Variants in ALK observed in about 807,000 individuals in gnomAD.
ALK encodes ALK receptor tyrosine kinase.
Under a neutral mutation model 163.1 loss-of-function variants are expected in ALK, and 74 were observed. The observed-to-expected ratio is 0.45, with a 90% CI of 0.38 to 0.55. ALK has a LOEUF of 0.55. Among genes scored for constraint, ALK ranks in the 20% least tolerant of loss-of-function variants. The pLI is 0.00. For missense variants in ALK, 2,063 were observed against 2,105.3 expected, an observed-to-expected ratio of 0.98 and a Z score of 0.39; for synonymous variants, 960 against 843.2, an observed-to-expected ratio of 1.14 and a Z score of -2.40.
intron 1 of ALK, among the ~76,000 whole-genome samples, chr2:29,737,447 G>C (rs984962585): frequency 6.6e-6 from 1 of 152,012 alleles, no homozygotes; most frequent in Admixed American, 6.6e-5. Flanking sequence ...AATGGGTCTG[G>C]ATGTATGATT....
intron 3 of ALK, among the ~76,000 whole-genome samples, chr2:29,535,792 T>A (rs113449468): frequency 1.3e-5 from 2 of 152,180 alleles, no homozygotes; most frequent in African/African-American, 4.8e-5. Flanking sequence ...TCTATCTGCC[T>A]GCCTAGAATA....
intron 5 of ALK, among the ~76,000 whole-genome samples, chr2:29,371,888 C>T (rs575253243): frequency 4.6e-5 from 7 of 152,276 alleles, no homozygotes; most frequent in Admixed American, 4.6e-4. Flanking sequence ...TGATGCCTTA[C>T]TATTGTCCCC....
chr2:29,845,808 G>T (rs145498726), intron 1 of ALK, among the ~76,000 whole-genome samples: 1 of 152,162 alleles, frequency 6.6e-6, no homozygotes, highest in African/African-American at 2.4e-5. Context: ...AGAAACCTTT[G>T]GTTGAGGAGC....
At chr2:29,386,100 G>T (rs761155092) in intron 4 of ALK, among the ~76,000 whole-genome samples, 1 of 152,196 alleles carries the variant, frequency 6.6e-6, no homozygotes, top group Non-Finnish European at 1.5e-5. Flanking sequence ...CTTTCAGCGC[G>T]GTGCTCCTGG....
chr2:29,571,638 A>C (rs1674376098), intron 3 of ALK, among the ~76,000 whole-genome samples: 1 of 32,432 alleles, frequency 3.1e-5, no homozygotes, highest in Admixed American at 3.4e-4. Context: ...TTTTTTTGAG[A>C]TGTTGTCTCA....
chr2:29,795,295 A>G (rs1664279823), intron 1 of ALK, among the ~76,000 whole-genome samples: 1 of 152,172 alleles, frequency 6.6e-6, no homozygotes, highest in Admixed American at 6.6e-5. Context: ...ATCTAATTAA[A>G]AAATATTTTT....
At chr2:29,677,775 G>C (rs958435735) in intron 3 of ALK, among the ~76,000 whole-genome samples, 6 of 152,026 alleles carry the variant, frequency 3.9e-5, no homozygotes, top group Non-Finnish European at 7.4e-5. Flanking sequence ...CTAGATTTAG[G>C]ATCAGGGGAA....
At chr2:29,322,074 G>T (rs532252833) in intron 6 of ALK, among the ~76,000 whole-genome samples, 1 of 152,306 alleles carries the variant, frequency 6.6e-6, no homozygotes, top group African/African-American at 2.4e-5. Context: ...GATTCTGATG[G>T]CCCCCAACAC....
At chr2:29,819,165 C>G (rs2148377271) in intron 1 of ALK, among the ~76,000 whole-genome samples, 3 of 152,296 alleles carry the variant, frequency 2.0e-5, no homozygotes, top group Middle Eastern at 6.8e-3. Flanking sequence ...CTATTGAATC[C>G]AAATTTGCAT....
intron 1 of ALK, among the ~76,000 whole-genome samples, chr2:29,864,724 T>C (rs1666382323): frequency 6.6e-6 from 1 of 152,198 alleles, no homozygotes; most frequent in African/African-American, 2.4e-5. Flanking sequence ...GTTAAATCTA[T>C]TGAATGGGAG....
intron 1 of ALK, among the ~76,000 whole-genome samples, chr2:29,906,025 T>C (rs1208109843): frequency 6.6e-6 from 1 of 152,118 alleles, no homozygotes; most frequent in Non-Finnish European, 1.5e-5. Context: ...ACCGCTAAAC[T>C]GCAACAACAC....
chr2:29,474,201 A>C (rs4340463), intron 4 of ALK, among the ~76,000 whole-genome samples: 43,454 of 152,186 alleles, frequency 0.29, 6,436 homozygotes, highest in East Asian at 0.34. Flanking sequence ...TGCTACATAC[A>C]ACTAAACAGG....
At chr2:29,411,259 A>G (rs114659963) in intron 4 of ALK, among the ~76,000 whole-genome samples, 2,041 of 152,260 alleles carry the variant, frequency 0.013, 54 homozygotes, top group African/African-American at 0.047. Context: ...GTCATCTGTG[A>G]TAACAATGCC....
At chr2:29,391,966 T>C (rs1237696831) in intron 4 of ALK, among the ~76,000 whole-genome samples, 13 of 152,256 alleles carry the variant, frequency 8.5e-5, no homozygotes, top group African/African-American at 2.7e-4. Context: ...ATTGTGAAGA[T>C]CACATGGGTT....
chr2:29,699,049 A>G (rs542373389), intron 2 of ALK, among the ~76,000 whole-genome samples: 15 of 152,346 alleles, frequency 9.8e-5, no homozygotes, highest in Admixed American at 1.3e-4. Context: ...CCGAGGTTCT[A>G]GACCTAGTGT....
intron 1 of ALK, among the ~76,000 whole-genome samples, chr2:29,803,183 T>A (rs1664528773): frequency 6.6e-6 from 1 of 152,198 alleles, no homozygotes; most frequent in African/African-American, 2.4e-5. Context: ...AAGTGGCAAT[T>A]TGGGCAATAG....
intron 8 of ALK, among the ~76,000 whole-genome samples, chr2:29,303,675 A>G (rs1666429232): frequency 6.6e-6 from 1 of 152,244 alleles, no homozygotes; most frequent in Non-Finnish European, 1.5e-5. Flanking sequence ...AATGTGGTAC[A>G]TATATACCAT....
intron 3 of ALK, among the ~76,000 whole-genome samples, chr2:29,687,876 T>C (rs1021013719): frequency 4.6e-5 from 7 of 152,380 alleles, no homozygotes; most frequent in Admixed American, 2.0e-4. Context: ...ATATTTTATT[T>C]AACTAATTCC....
intron 4 of ALK, among the ~76,000 whole-genome samples, chr2:29,526,625 A>G (rs1672966961): frequency 6.6e-6 from 1 of 152,192 alleles, no homozygotes; most frequent in Non-Finnish European, 1.5e-5. Flanking sequence ...TCATTGTGAC[A>G]CTGCCACTTG....
Sources: gnomAD v4.1 joint callset for allele counts (sites outside exome capture counted in the v4.1 genomes callset) on GRCh38, gnomAD v4.1.1 for gene constraint, MANE v1.5 for transcripts, NCBI Gene and HGNC (gene_info 2026-07-23, HGNC 2026-07-21) for gene names.